The following MS4A18 variants were observed in gnomAD, a reference collection of about 807,000 sequenced individuals.
The protein encoded by MS4A18 is membrane spanning 4-domains A18.
A neutral mutation model predicts 13.1 loss-of-function variants in MS4A18; 27 were observed. That is an observed-to-expected ratio of 2.06 (90% CI 1.52 to 2.84). The LOEUF (loss-of-function observed/expected upper bound fraction) is 2.84. Among genes scored for constraint, MS4A18 ranks in the 30% most tolerant of loss-of-function variants. The probability of loss-of-function intolerance (pLI) is 0.00; values close to 1 mark genes in which losing one functional copy is unlikely to be tolerated. For synonymous variants in MS4A18, 126 were observed against 76.5 expected, an observed-to-expected ratio of 1.65 and a Z score of -3.38; for missense variants, 307 against 196.4, an observed-to-expected ratio of 1.56 and a Z score of -3.37.
chr11:60,725,464 G>A (rs1281296956), upstream of MS4A18, among the ~76,000 whole-genome samples: 1 of 152,148 alleles, frequency 6.6e-6, no homozygotes, highest in African/African-American at 2.4e-5. Flanking sequence ...AAAGTGCTGG[G>A]ATTACAGGCA....
At chr11:60,741,667 CAA>C (rs1015680918) in intron 5 of MS4A18, among the ~76,000 whole-genome samples, 46 of 152,158 alleles carry the variant, frequency 3.0e-4, no homozygotes, top group African/African-American at 1.1e-3. Flanking sequence ...AGAGGAGCTA[CAA>C]AGTCACCCAG....
chr11:60,728,563 C>G (rs949136821), upstream of MS4A18, among the ~76,000 whole-genome samples: 15 of 150,774 alleles, frequency 9.9e-5, no homozygotes, highest in African/African-American at 3.2e-4. Flanking sequence ...TTCCCTCTCT[C>G]TGTGTGTGTG....
downstream of MS4A18, among the ~76,000 whole-genome samples, chr11:60,744,580 G>A (rs1853459804): frequency 2.6e-5 from 4 of 152,252 alleles, no homozygotes; most frequent in South Asian, 8.3e-4. Context: ...AAGATAAAAA[G>A]TCATAGGCTG....
intron 5 of MS4A18, 128 bp from the exon 7 acceptor site, chr11:60,743,522 G>T: frequency 1.6e-6 from 1 of 622,892 alleles, no homozygotes; most frequent in Non-Finnish European, 2.9e-6. Context: ...AAAGTCACAT[G>T]ACCAAGCCCA....
exon 6 of MS4A18, chr11:60,743,697 C>T (rs1416943042): frequency 4.3e-6 from 3 of 702,866 alleles, no homozygotes; most frequent in Non-Finnish European, 7.8e-6. Context: ...CAGCCAATAC[C>T]ACCACCAGCC....
intron 1 of MS4A18, among the ~76,000 whole-genome samples, chr11:60,731,688 G>A (rs776457817): frequency 1.3e-5 from 2 of 152,162 alleles, no homozygotes; most frequent in Non-Finnish European, 1.5e-5. Context: ...CCTAGAAAAC[G>A]TAGCATTTCT....
intron 1 of MS4A18, among the ~76,000 whole-genome samples, 164 bp from the exon 3 acceptor site, chr11:60,733,370 T>C (rs7110684): frequency 0.19 from 29,490 of 152,118 alleles, 3,562 homozygotes; most frequent in East Asian, 0.33. Context: ...AACACCCAGG[T>C]GTGGACCCTA....
At chr11:60,729,293 G>A (rs1269422948), upstream of MS4A18, 2 of 691,646 alleles carry the variant, frequency 2.9e-6, no homozygotes, top group African/African-American at 1.8e-5. Context: ...ACCTTCTTAT[G>A]TGTTTTGCAG....
At chr11:60,738,943 C>T (rs1032927159) in exon 4 of MS4A18, 1 of 703,310 alleles carries the variant, frequency 1.4e-6, no homozygotes, top group African/African-American at 1.7e-5. Context: ...GCGCACTCTT[C>T]GCCTTTGCCG....
At chr11:60,729,366 A>C (rs1321866832) in exon 1 of MS4A18, 4 of 702,850 alleles carry the variant, frequency 5.7e-6, no homozygotes, top group Non-Finnish European at 7.8e-6. Flanking sequence ...TTATTGCCCC[A>C]GATAATGTTC....
intron 5 of MS4A18, among the ~76,000 whole-genome samples, chr11:60,742,049 G>A (rs1303453426): frequency 6.6e-6 from 1 of 152,172 alleles, no homozygotes; most frequent in African/African-American, 2.4e-5. Context: ...TAATAATTCT[G>A]AAATCCTATG....
chr11:60,725,254 C>CTGA (rs1853133107), upstream of MS4A18, among the ~76,000 whole-genome samples: 1 of 152,080 alleles, frequency 6.6e-6, no homozygotes, highest in African/African-American at 2.4e-5. Context: ...AGTGCAGTGG[C>CTGA]GCGATCTCGG....
intron 2 of MS4A18, among the ~76,000 whole-genome samples, chr11:60,734,779 C>A (rs1045778419): frequency 4.0e-5 from 6 of 148,528 alleles, no homozygotes; most frequent in Non-Finnish European, 8.9e-5. Flanking sequence ...CTTTTCTTTT[C>A]TTTTCTTTTT....
At chr11:60,736,926 T>C in intron 2 of MS4A18, 52 bp from the exon 4 acceptor site, 1 of 686,720 alleles carries the variant, frequency 1.5e-6, no homozygotes, top group Non-Finnish European at 2.6e-6. Flanking sequence ...GCTGTCTTTT[T>C]TAACATGCTG....
intron 3 of MS4A18, among the ~76,000 whole-genome samples, chr11:60,738,243 A>G (rs1312811741): frequency 6.6e-6 from 1 of 152,164 alleles, no homozygotes; most frequent in Admixed American, 6.5e-5. Flanking sequence ...TAATTCGAGG[A>G]CTTCAGCCTC....
intron 2 of MS4A18, among the ~76,000 whole-genome samples, chr11:60,735,765 G>T (rs932643039): frequency 6.3e-5 from 9 of 143,312 alleles, no homozygotes; most frequent in African/African-American, 2.4e-4. Context: ...CTAGGTTCAA[G>T]CGATTGTCCT....
intron 3 of MS4A18, 115 bp from the exon 5 acceptor site, chr11:60,738,787 G>T: frequency 1.6e-6 from 1 of 608,042 alleles, no homozygotes; most frequent in South Asian, 2.0e-5. Flanking sequence ...ACCCTGCCTG[G>T]CCAACTCTTT....
chr11:60,736,405 A>G (rs928231767), intron 2 of MS4A18, among the ~76,000 whole-genome samples: 2 of 151,984 alleles, frequency 1.3e-5, no homozygotes, highest in Non-Finnish European at 2.9e-5. Context: ...CAGGGCTCTC[A>G]TAACTGAACA....
chr11:60,741,175 T>A (rs1250054165), intron 5 of MS4A18, 32 bp downstream of exon 6: 1 of 702,832 alleles, frequency 1.4e-6, no homozygotes, highest in Non-Finnish European at 2.6e-6. Context: ...AGGAATCAGA[T>A]CATGCTCTGG....
Sources: allele counts gnomAD v4.1 joint callset (sites outside exome capture counted in the v4.1 genomes callset), GRCh38; gene constraint gnomAD v4.1.1; transcripts MANE v1.5; gene names NCBI Gene and HGNC (gene_info 2026-07-23, HGNC 2026-07-21).